PPFIBP2: variants seen among roughly 807,000 people sequenced by gnomAD.
The protein encoded by PPFIBP2 is liprin-beta-2.
Under a neutral mutation model 118.3 loss-of-function variants are expected in PPFIBP2, and 118 were observed. The ratio of observed to expected loss-of-function variants is 1.00; its 90% CI spans 0.86 to 1.16. The LOEUF is 1.16. Ranked by LOEUF, PPFIBP2 falls within the 50% of genes most tolerant of loss-of-function variation. The pLI is 0.00. For missense variants in PPFIBP2, 1,195 were observed against 1,073.1 expected (o/e 1.11, Z -1.59); for synonymous variants, 414 against 397.4 (o/e 1.04, Z -0.50).
chr11:7,635,889 G>T (rs1851384138), intron 14 of PPFIBP2, among the ~76,000 whole-genome samples: 1 of 152,124 alleles, frequency 6.6e-6, no homozygotes, highest in African/African-American at 2.4e-5. Flanking sequence ...GAAGGGGATT[G>T]CTACGATCTC....
At chr11:7,559,207 G>A (rs1050776929) in intron 2 of PPFIBP2, among the ~76,000 whole-genome samples, 20 of 152,212 alleles carry the variant, frequency 1.3e-4, no homozygotes, top group Non-Finnish European at 2.1e-4. Context: ...ACCCTTTTCT[G>A]AGAAATCTGG....
At chr11:7,555,992 GTCCATTTTACTGAGGCTT>G (rs1853571651) in intron 2 of PPFIBP2, among the ~76,000 whole-genome samples, 1 of 152,066 alleles carries the variant, frequency 6.6e-6, no homozygotes, top group South Asian at 2.1e-4. Context: ...CTAGAAATGT[GTCCATTTTACTGAGGCTT>G]TCCATTTTGT....
chr11:7,534,506 G>GT lies in PPFIBP2; in HGVS notation c.-36-14933dup, dbSNP rs140248824. ...TTGTTCCTCCCTGGAGGTAAATTGT[G>GT]TGTATGCATGTGTGTTCTTTGCTGT... On this transcript the variant is annotated intron_variant, in intron 1 of 23. Coordinates refer to ENST00000299492, the MANE Select transcript of PPFIBP2 (RefSeq NM_003621.5). Among the ~76,000 whole-genome samples, 1,293 of 152,280 alleles carry GT rather than the reference G, an allele frequency of 8.5e-3. 22 individuals are homozygous for GT. The highest frequency in any genetic ancestry group is 0.03 in the African/African-American group (1,236 of 41,550).
At chr11:7,654,075 G>GC (rs113243961), downstream of PPFIBP2, among the ~76,000 whole-genome samples, 2 of 152,162 alleles carry the variant, frequency 1.3e-5, no homozygotes, top group Non-Finnish European at 2.9e-5. Flanking sequence ...AGTGGCATGA[G>GC]CCCCCCCAGT....
At chr11:7,569,363 A>G (rs886263201) in intron 3 of PPFIBP2, among the ~76,000 whole-genome samples, 2 of 152,240 alleles carry the variant, frequency 1.3e-5, no homozygotes, top group African/African-American at 4.8e-5. Flanking sequence ...AGACCTGCCC[A>G]GGAGTCAGTG....
At chr11:7,539,372 T>G (rs1164901396) in intron 1 of PPFIBP2, 1 of 152,480 alleles carries the variant, frequency 6.6e-6, no homozygotes, top group Non-Finnish European at 1.5e-5. Flanking sequence ...GGAGCTGTCT[T>G]CGCAGGCCAG....
At chr11:7,633,634 A>G (rs541440839) in intron 12 of PPFIBP2, among the ~76,000 whole-genome samples, 20 of 152,188 alleles carry the variant, frequency 1.3e-4, no homozygotes, top group African/African-American at 4.6e-4. Flanking sequence ...CTGAGTCTCC[A>G]GAGCCTGCAC....
At chr11:7,533,128 T>G (rs1339094133) in intron 1 of PPFIBP2, among the ~76,000 whole-genome samples, 1 of 152,190 alleles carries the variant, frequency 6.6e-6, no homozygotes, top group Admixed American at 6.5e-5. Flanking sequence ...CATCCTTTTT[T>G]CTCATTGGTC....
At chr11:7,656,516 A>C (rs1319934739), downstream of PPFIBP2, among the ~76,000 whole-genome samples, 1 of 152,162 alleles carries the variant, frequency 6.6e-6, no homozygotes, top group Non-Finnish European at 1.5e-5. Flanking sequence ...GAAAATAGAA[A>C]ATTTATTTCT....
At chr11:7,606,124 G>C in intron 5 of PPFIBP2, 1 of 1,247,288 alleles carries the variant, frequency 8.0e-7, no homozygotes, top group Non-Finnish European at 1.1e-6. Flanking sequence ...AGAATAGCAG[G>C]ATAGATGCAG....
intron 6 of PPFIBP2, among the ~76,000 whole-genome samples, chr11:7,613,838 G>A (rs568033739): frequency 1.3e-5 from 2 of 152,328 alleles, no homozygotes; most frequent in Admixed American, 6.5e-5. Flanking sequence ...TAAGAAGGGA[G>A]CAGGGACCCC....
downstream of PPFIBP2, chr11:7,656,688 A>G (rs532406953): frequency 3.6e-5 from 46 of 1,287,540 alleles, no homozygotes; most frequent in African/African-American, 6.2e-4. Context: ...CCTGGACCAA[A>G]ACTCTATTAA....
chr11:7,601,768 T>C (rs12290751), intron 5 of PPFIBP2, among the ~76,000 whole-genome samples: 15,059 of 151,946 alleles, frequency 0.099, 1,232 homozygotes, highest in African/African-American at 0.21. Context: ...GAGAACAGCC[T>C]GACCAACATG....
At chr11:7,536,101 T>C (rs946544061) in intron 1 of PPFIBP2, among the ~76,000 whole-genome samples, 4 of 152,174 alleles carry the variant, frequency 2.6e-5, no homozygotes, top group Non-Finnish European at 5.9e-5. Flanking sequence ...GTTTTATTAT[T>C]ATCCTCATCT....
intron 3 of PPFIBP2, among the ~76,000 whole-genome samples, chr11:7,589,103 G>C (rs1385355928): frequency 6.6e-6 from 1 of 152,210 alleles, no homozygotes; most frequent in African/African-American, 2.4e-5. Context: ...AGAACAGAGG[G>C]GGAGGAAGTT....
At chr11:7,608,055 T>C (rs1295946003) in intron 5 of PPFIBP2, among the ~76,000 whole-genome samples, 1 of 152,148 alleles carries the variant, frequency 6.6e-6, no homozygotes, top group Non-Finnish European at 1.5e-5. Context: ...TACTCAAGAC[T>C]CAGAGACTCA....
intron 17 of PPFIBP2, among the ~76,000 whole-genome samples, chr11:7,645,567 G>A (rs1852933909): frequency 6.6e-6 from 1 of 152,200 alleles, no homozygotes; most frequent in Admixed American, 6.5e-5. Context: ...GTTCAGTGGT[G>A]CCCTGGCTGA....
At chr11:7,550,113 T>C (rs1852797926) in intron 2 of PPFIBP2, among the ~76,000 whole-genome samples, 1 of 152,242 alleles carries the variant, frequency 6.6e-6, no homozygotes, top group Non-Finnish European at 1.5e-5. Context: ...TGTGGTTAAT[T>C]TGAAAGGACT....
chr11:7,656,335 G>A (rs1200944082), downstream of PPFIBP2, among the ~76,000 whole-genome samples: 1 of 152,148 alleles, frequency 6.6e-6, no homozygotes, highest in Non-Finnish European at 1.5e-5. Context: ...GGCCCATTGG[G>A]ATGACAGGAC....
Sources: gnomAD v4.1 joint callset for allele counts (sites outside exome capture counted in the v4.1 genomes callset) on GRCh38, gnomAD v4.1.1 for gene constraint, MANE v1.5 for transcripts, NCBI Gene and HGNC (gene_info 2026-07-23, HGNC 2026-07-21) for gene names.